The following ANO3 variants were observed in gnomAD, a reference collection of about 807,000 sequenced individuals.
ANO3 encodes anoctamin-3.
A neutral mutation model predicts 144.8 loss-of-function variants in ANO3; 99 were observed. The ratio of observed to expected loss-of-function variants is 0.68; its 90% CI spans 0.58 to 0.81. The LOEUF (loss-of-function observed/expected upper bound fraction) is 0.81, where lower values mean the gene tolerates loss of function less well. Ranked by LOEUF, ANO3 falls within the 30% of genes least tolerant of loss-of-function variation. The pLI, the probability that ANO3 is intolerant of heterozygous loss-of-function variation, is 0.00. For synonymous variants in ANO3, 414 were observed against 392.6 expected, an observed-to-expected ratio of 1.05 and a Z score of -0.64; for missense variants, 905 against 1,202.2, an observed-to-expected ratio of 0.75 and a Z score of 3.66.
intron 1 of ANO3, among the ~76,000 whole-genome samples, chr11:26,240,999 G>A (rs182975064): frequency 4.6e-5 from 7 of 152,258 alleles, no homozygotes; most frequent in Admixed American, 4.6e-4. Context: ...GTTCCCACGT[G>A]TCAGGGGAGA....
In ANO3 at chr11:26,259,898, T is replaced by G. The variant is rs575371504; in HGVS notation, c.155-49747T>G. On this transcript the variant is annotated intron_variant, in intron 1 of 27. Transcript: ENST00000672621. ...ACTCCAATAGTATGGTGTTGGTCCC[T>G]CATGGCTAACACGTTACCCTGGCAT... Among the ~76,000 whole-genome samples the G allele has an allele frequency of 1.2e-4, 18 of 152,180 alleles. No homozygotes were observed. In the South Asian group the frequency reaches 3.5e-3, roughly 30 times the overall value.
At chr11:26,412,350 TATA>T (rs1438335121) in intron 1 of ANO3, among the ~76,000 whole-genome samples, 1 of 152,066 alleles carries the variant, frequency 6.6e-6, no homozygotes, top group Admixed American at 6.6e-5. Flanking sequence ...TAATTGTCAT[TATA>T]ATAATATTTG....
intron 1 of ANO3, among the ~76,000 whole-genome samples, chr11:26,233,090 G>A (rs1393023733): frequency 2.6e-5 from 4 of 151,882 alleles, no homozygotes; most frequent in African/African-American, 9.7e-5. Context: ...GGTGGCGGGC[G>A]CCTGTAGTCC....
At chr11:26,281,905 T>C (rs1853686991) in intron 1 of ANO3, among the ~76,000 whole-genome samples, 1 of 152,184 alleles carries the variant, frequency 6.6e-6, no homozygotes, top group Admixed American at 6.6e-5. Flanking sequence ...CCAGCACATG[T>C]GCATATGAAG....
At chr11:26,297,766 G>A (rs191211534) in intron 1 of ANO3, among the ~76,000 whole-genome samples, 48 of 152,264 alleles carry the variant, frequency 3.2e-4, no homozygotes, top group Non-Finnish European at 6.8e-4. Context: ...AGAACTCCAT[G>A]TGTATCATTT....
At chr11:26,456,628 G>A (rs1456799406) in intron 3 of ANO3, among the ~76,000 whole-genome samples, 1 of 111,332 alleles carries the variant, frequency 9.0e-6, no homozygotes, top group African/African-American at 3.9e-5. Context: ...CTGTTGGTGG[G>A]ACTGTAAACT....
At position 26,474,792 on chromosome 11, in the gene ANO3, T is replaced by C. The variant is rs557578123; in HGVS notation, c.432+11644T>C. On this transcript the variant is annotated intron_variant, in intron 4 of 26. Transcript: ENST00000256737. The stretch of plus-strand genomic sequence containing the variant: ...TAAAGATAAGATCATGTAGCATAGA[T>C]AATCACTGATATGGAAATAAGTGTT... 2.0e-4 allele frequency among the ~76,000 whole-genome samples: 30 copies of C among 151,842 alleles called. 1 individual carries two copies. The highest frequency in any genetic ancestry group is 1.7e-3 in the South Asian group (8 of 4,822).
intron 1 of ANO3, among the ~76,000 whole-genome samples, chr11:26,218,569 T>G (rs903718457): frequency 6.6e-6 from 1 of 152,144 alleles, no homozygotes; most frequent in Admixed American, 6.6e-5. Context: ...CATACCAATG[T>G]TTATCTTACT....
At chr11:26,507,220 T>A (rs1164273704) in intron 4 of ANO3, among the ~76,000 whole-genome samples, 1 of 152,172 alleles carries the variant, frequency 6.6e-6, no homozygotes, top group Non-Finnish European at 1.5e-5. Flanking sequence ...TAAAATTCCT[T>A]ACAGCAAATA....
intron 1 of ANO3, among the ~76,000 whole-genome samples, chr11:26,378,705 C>A (rs1453661992): frequency 6.6e-6 from 1 of 151,886 alleles, no homozygotes; most frequent in Non-Finnish European, 1.5e-5. Flanking sequence ...ATATTACCTG[C>A]ATTACCAGTA....
At position 26,542,087 on chromosome 11, in the gene ANO3, T is replaced by A; in HGVS notation, c.1154+19T>A. On this transcript the variant is annotated intron_variant, in intron 11 of 26. Coordinates refer to ENST00000256737, the MANE Select transcript of ANO3 (RefSeq NM_031418.4). ...TAATCAGGTACTGCAAATGGAACAA[T>A]AATGAAAAGCAAAGTATTCTGTTTT... The A allele has an allele frequency of 6.2e-7, 1 of 1,603,354 alleles. No homozygotes were observed. Among genetic ancestry groups the A allele is most frequent in the South Asian group, 1.1e-5 (1 of 89,168 alleles).
Position 26,541,939 on chromosome 11 carries a change from T to C in ANO3, c.1033-8T>C, listed in dbSNP as rs1411177583. 5 of 1,604,280 alleles carry C rather than the reference T, an allele frequency of 3.1e-6. No homozygotes were observed. The Admixed American group carries it at 5.2e-5, about 17-fold the overall frequency. On this transcript the variant is annotated splice_region_variant and splice_polypyrimidine_tract_variant and intron_variant, in intron 10 of 26. Coordinates refer to ENST00000256737, the MANE Select transcript of ANO3 (RefSeq NM_031418.4). ...AGAACCAAATGTATCTTACTTTATC[T>C]GTTGCAGGGAGCCTACAAAAGTAGC...
intron 1 of ANO3, among the ~76,000 whole-genome samples, chr11:26,370,242 G>A (rs1219216482): frequency 2.0e-5 from 3 of 152,154 alleles, no homozygotes; most frequent in Admixed American, 6.5e-5. Context: ...AGATCTGATG[G>A]TTTTATATGG....
chr11:26,475,486 A>C (rs1859928822), intron 4 of ANO3, among the ~76,000 whole-genome samples: 1 of 152,050 alleles, frequency 6.6e-6, no homozygotes, highest in Non-Finnish European at 1.5e-5. Context: ...GGCAAAATTA[A>C]TCACAGAGAA....
intron 14 of ANO3, among the ~76,000 whole-genome samples, chr11:26,585,248 A>G (rs966673979): frequency 4.6e-5 from 7 of 152,084 alleles, no homozygotes; most frequent in African/African-American, 1.7e-4. Flanking sequence ...CCCACAAACA[A>G]TTAGTACTAA....
intron 14 of ANO3, among the ~76,000 whole-genome samples, chr11:26,570,213 G>C (rs1402117224): frequency 1.3e-5 from 2 of 152,018 alleles, no homozygotes; most frequent in African/African-American, 2.4e-5. Context: ...TCTACAGAGG[G>C]AGAATGAACA....
chr11:26,346,799 CAT>C (rs1855507494), intron 1 of ANO3, among the ~76,000 whole-genome samples: 1 of 152,212 alleles, frequency 6.6e-6, no homozygotes, highest in Admixed American at 6.5e-5. Flanking sequence ...GGTGCTCCAA[CAT>C]ACAGCTCTCT....
intron 1 of ANO3, among the ~76,000 whole-genome samples, chr11:26,339,996 A>C (rs148792712): frequency 6.6e-6 from 1 of 152,146 alleles, no homozygotes; most frequent in African/African-American, 2.4e-5. Context: ...CACTATAACC[A>C]AGATGCGGTT....
intron 1 of ANO3, among the ~76,000 whole-genome samples, chr11:26,339,606 C>T (rs563427419): frequency 4.9e-4 from 75 of 152,278 alleles, no homozygotes; most frequent in Admixed American, 1.6e-3. Flanking sequence ...TTGCTCTACA[C>T]CTTTTCCACA....
Sources: gnomAD v4.1 joint callset for allele counts (sites outside exome capture counted in the v4.1 genomes callset) on GRCh38, gnomAD v4.1.1 for gene constraint, MANE v1.5 for transcripts, NCBI Gene and HGNC (gene_info 2026-07-23, HGNC 2026-07-21) for gene names.